Variants in CBLB observed in about 807,000 individuals in gnomAD.
The protein encoded by CBLB is Cbl proto-oncogene B.
CBLB carries 31 observed loss-of-function variants against 104.9 expected under a neutral mutation model. The observed-to-expected ratio is 0.30, with a 90% CI of 0.22 to 0.40. The LOEUF (loss-of-function observed/expected upper bound fraction) is 0.40. CBLB is among the 10% of genes least tolerant of loss of function. CBLB has a pLI of 1.00. For missense variants in CBLB, 1,062 were observed against 1,214.6 expected (o/e 0.87, Z 1.87); for synonymous variants, 440 against 422.6 (o/e 1.04, Z -0.51).
At chr3:105,779,808 T>C (rs2152971594) in intron 3 of CBLB, among the ~76,000 whole-genome samples, 1 of 152,340 alleles carries the variant, frequency 6.6e-6, no homozygotes, top group African/African-American at 2.4e-5. Context: ...TGTTTTGCTA[T>C]GTAGTATGTG....
At chr3:105,692,125 A>C (rs993757185) in intron 13 of CBLB, among the ~76,000 whole-genome samples, 2 of 152,176 alleles carry the variant, frequency 1.3e-5, no homozygotes, top group African/African-American at 4.8e-5. Context: ...TGAACTGCAG[A>C]TGAAGGAATG....
chr3:105,856,413 C>T (rs1281196928), intron 2 of CBLB, among the ~76,000 whole-genome samples: 1 of 145,470 alleles, frequency 6.9e-6, no homozygotes, highest in Non-Finnish European at 1.5e-5. Context: ...GGGTTTTTTT[C>T]AGAGGGAGTA....
chr3:105,780,657 TTTG>T (rs1355487626), intron 3 of CBLB, among the ~76,000 whole-genome samples: 2 of 97,308 alleles, frequency 2.1e-5, no homozygotes, highest in East Asian at 2.7e-4. Flanking sequence ...AGTTTTGTTT[TTTG>T]TTTTTTTTTT....
Position 105,704,060 on chromosome 3 carries a change from C to T in CBLB, c.1521G>A (p.Val507=). Residue 507 remains valine (V), a synonymous_variant, in exon 11 of 19, where the codon GTG becomes GTA. Transcript: ENST00000394030. Reference sequence around the variant, plus strand: ...TCTGAATTAGATCCAGGCGAGGAGGCACGGGTGGCAGGCTTAGATGTGGGA... The same window carrying T: ...TCTGAATTAGATCCAGGCGAGGAGGTACGGGTGGCAGGCTTAGATGTGGGA... ...LQIPHLSLPP[V]PPRLDLIQKG... 6.2e-7 allele frequency: 1 copy of T among 1,614,090 alleles called. No individual in the cohort carries two copies. Among genetic ancestry groups the T allele is most frequent in the South Asian group, 1.1e-5 (1 of 91,072 alleles).
At chr3:105,716,694 CAAAT>C (rs1394115871) in intron 10 of CBLB, among the ~76,000 whole-genome samples, 1 of 152,068 alleles carries the variant, frequency 6.6e-6, no homozygotes, top group East Asian at 1.9e-4. Context: ...AACTTAAAAA[CAAAT>C]AATTACAAGT....
intron 10 of CBLB, among the ~76,000 whole-genome samples, chr3:105,711,163 G>A (rs1298122965): frequency 6.6e-6 from 1 of 151,944 alleles, no homozygotes; most frequent in African/African-American, 2.4e-5. Flanking sequence ...TAAGATGAGA[G>A]TTCTGACAGT....
chr3:105,859,028 A>T (rs996585097), intron 2 of CBLB, among the ~76,000 whole-genome samples: 2 of 152,230 alleles, frequency 1.3e-5, no homozygotes, highest in African/African-American at 4.8e-5. Context: ...GGATTTACTA[A>T]TGCTATAAGA....
chr3:105,788,260 C>A (rs555079583), intron 3 of CBLB, among the ~76,000 whole-genome samples: 1 of 152,056 alleles, frequency 6.6e-6, no homozygotes, highest in Non-Finnish European at 1.5e-5. Flanking sequence ...AATAAAACTT[C>A]CTCAGATATT....
chr3:105,742,421 T>G (rs562804113), intron 6 of CBLB, among the ~76,000 whole-genome samples: 1 of 152,294 alleles, frequency 6.6e-6, no homozygotes, highest in Non-Finnish European at 1.5e-5. Context: ...GATTTTTAAA[T>G]ATTAAAAACT....
At chr3:105,840,053 A>C (rs2089302154) in intron 3 of CBLB, among the ~76,000 whole-genome samples, 1 of 152,220 alleles carries the variant, frequency 6.6e-6, no homozygotes, top group African/African-American at 2.4e-5. Flanking sequence ...AAAAAGAATA[A>C]AATTGACAGC....
chr3:105,796,482 A>G (rs1259510581), intron 3 of CBLB, among the ~76,000 whole-genome samples: 1 of 152,224 alleles, frequency 6.6e-6, no homozygotes, highest in African/African-American at 2.4e-5. Flanking sequence ...CCAAAACTAC[A>G]AAAGTGTGGA....
intron 3 of CBLB, among the ~76,000 whole-genome samples, chr3:105,792,672 G>A (rs772454796): frequency 1.3e-5 from 2 of 152,168 alleles, no homozygotes; most frequent in Non-Finnish European, 2.9e-5. Flanking sequence ...GTCAGAAAGA[G>A]GGCGGCTCTT....
chr3:105,825,426 A>C (rs1218360878), intron 3 of CBLB, among the ~76,000 whole-genome samples: 1 of 152,216 alleles, frequency 6.6e-6, no homozygotes, highest in East Asian at 1.9e-4. Context: ...AAAGTAAAAA[A>C]ACATTCAAAG....
At chr3:105,830,308 TTGTACTC>T (rs2087292817) in intron 3 of CBLB, among the ~76,000 whole-genome samples, 1 of 152,242 alleles carries the variant, frequency 6.6e-6, no homozygotes, top group African/African-American at 2.4e-5. Context: ...ATTTAGATCC[TTGTACTC>T]TGTACTTAAT....
rs376837498 is a variant in CBLB at position 105,816,794 on chromosome 3, G to C, written c.419+36620C>G. Among the ~76,000 whole-genome samples the C allele has an allele frequency of 3.9e-3, 591 of 152,192 alleles. 1 individual carries two copies. Among genetic ancestry groups the C allele is most frequent in the Non-Finnish European group, 7.1e-3 (480 of 68,000 alleles). On this transcript the variant is annotated intron_variant, in intron 3 of 18. Transcript: ENST00000394030. ...TACTGAGCACCAAAATATGGGCCCA[G>C]CACTGCTGCGGTGGATACCAAAAAG...
chr3:105,800,219 C>T lies in CBLB; in HGVS notation c.420-23677G>A, dbSNP rs75907063. ...AATCACCTGGCTATTTTATTAAATC[C>T]GCATGTGCAGACCAGTATCCCAGAG... is the stretch of plus-strand genomic sequence containing the variant. On this transcript the variant is annotated intron_variant, in intron 3 of 18. Transcript: ENST00000394030. Among the ~76,000 whole-genome samples the T allele has an allele frequency of 2.9e-3, 444 of 152,132 alleles. 3 individuals carry two copies. The highest frequency in any genetic ancestry group is 0.01 in the African/African-American group (422 of 41,512).
intron 4 of CBLB, among the ~76,000 whole-genome samples, chr3:105,757,445 G>A (rs1047613612): frequency 3.3e-5 from 5 of 152,144 alleles, no homozygotes; most frequent in African/African-American, 4.8e-5. Context: ...GACTATGTGC[G>A]ACTTTCTGAC....
intron 2 of CBLB, among the ~76,000 whole-genome samples, chr3:105,863,428 T>C (rs1383537136): frequency 2.0e-5 from 3 of 152,186 alleles, no homozygotes; most frequent in African/African-American, 7.2e-5. Flanking sequence ...AGAAGTATAA[T>C]TCAAATGAAT....
intron 3 of CBLB, among the ~76,000 whole-genome samples, chr3:105,813,096 G>A (rs2084521506): frequency 6.6e-6 from 1 of 152,038 alleles, no homozygotes; most frequent in African/African-American, 2.4e-5. Flanking sequence ...CTATGGCTTA[G>A]ATAAAATTCA....
Sources: allele counts gnomAD v4.1 joint callset (sites outside exome capture counted in the v4.1 genomes callset), GRCh38; gene constraint gnomAD v4.1.1; transcripts MANE v1.5; gene names NCBI Gene and HGNC (gene_info 2026-07-23, HGNC 2026-07-21).